The following HECW1 variants were observed in gnomAD, a reference collection of about 807,000 sequenced individuals.
The protein encoded by HECW1 is HECT, C2 and WW domain containing E3 ubiquitin protein ligase 1, also known as E3 ubiquitin-protein ligase HECW1.
A neutral mutation model predicts 182.3 loss-of-function variants in HECW1; 61 were observed. The ratio of observed to expected loss-of-function variants is 0.33; its 90% CI spans 0.27 to 0.41. The LOEUF is 0.41. Among genes scored for constraint, HECW1 ranks in the 10% least tolerant of loss-of-function variants. HECW1 has a pLI of 1.00. For synonymous variants in HECW1, 859 were observed against 832.6 expected, an observed-to-expected ratio of 1.03 and a Z score of -0.55; for missense variants, 1,739 against 2,108.9, an observed-to-expected ratio of 0.82 and a Z score of 3.44.
At chr7:43,227,397 T>C (rs1007315613) in intron 2 of HECW1, among the ~76,000 whole-genome samples, 14 of 152,136 alleles carry the variant, frequency 9.2e-5, no homozygotes. Flanking sequence ...AAAATTTAAG[T>C]CATTTAAAAA....
intron 21 of HECW1, 119 bp from the exon 22 acceptor site, chr7:43,507,018 C>T (rs117689113): frequency 0.19 from 237,541 of 1,243,876 alleles, 24,974 homozygotes; most frequent in South Asian, 0.21. Flanking sequence ...TGCGGTAAGC[C>T]GAGAGCACAC....
At chr7:43,210,997 G>A (rs182836997) in intron 2 of HECW1, among the ~76,000 whole-genome samples, 1 of 152,334 alleles carries the variant, frequency 6.6e-6, no homozygotes, top group African/African-American at 2.4e-5. Context: ...ATGCCGGCTG[G>A]AATGCCTGGG....
chr7:43,422,701 A>C (rs919650510), intron 8 of HECW1, among the ~76,000 whole-genome samples: 1 of 152,116 alleles, frequency 6.6e-6, no homozygotes, highest in African/African-American at 2.4e-5. Flanking sequence ...CGAGTGCTTT[A>C]CCAGAATTAT....
chr7:43,475,248 A>G (rs2078177620), intron 16 of HECW1, among the ~76,000 whole-genome samples: 1 of 152,252 alleles, frequency 6.6e-6, no homozygotes, highest in South Asian at 2.1e-4. Context: ...AAAACAAAAA[A>G]GCAGAATATA....
chr7:43,159,068 C>T (rs1790207541), intron 2 of HECW1, among the ~76,000 whole-genome samples: 1 of 152,072 alleles, frequency 6.6e-6, no homozygotes, highest in Admixed American at 6.5e-5. Context: ...CTGAGAACTG[C>T]TGCAGTAAAC....
chr7:43,410,217 A>G (rs2075754896), intron 8 of HECW1, among the ~76,000 whole-genome samples: 1 of 152,172 alleles, frequency 6.6e-6, no homozygotes, highest in South Asian at 2.1e-4. Flanking sequence ...ACAGATATGT[A>G]TTTCTCAAAG....
At chr7:43,130,958 T>C (rs952381514) in intron 2 of HECW1, among the ~76,000 whole-genome samples, 8 of 152,218 alleles carry the variant, frequency 5.3e-5, no homozygotes, top group Non-Finnish European at 8.8e-5. Context: ...CACTTTACTG[T>C]ATGTTTTATG....
At chr7:43,487,085 G>A (rs2078673411) in intron 17 of HECW1, among the ~76,000 whole-genome samples, 1 of 152,154 alleles carries the variant, frequency 6.6e-6, no homozygotes, top group Non-Finnish European at 1.5e-5. Context: ...GAACACAGAA[G>A]GAATCTAGAG....
chr7:43,136,064 A>G (rs988438759), intron 2 of HECW1, among the ~76,000 whole-genome samples: 7 of 148,516 alleles, frequency 4.7e-5, no homozygotes, highest in Non-Finnish European at 1.0e-4. Context: ...CCCTATCTGT[A>G]TTCAACTTTT....
At chr7:43,548,394 C>T (rs754166108) in intron 26 of HECW1, among the ~76,000 whole-genome samples, 1 of 151,866 alleles carries the variant, frequency 6.6e-6, no homozygotes, top group South Asian at 2.1e-4. Context: ...CAGTCCAAAC[C>T]CACGCTGCTC....
chr7:43,513,342 CCTT>C (rs1563076349), intron 24 of HECW1, among the ~76,000 whole-genome samples: 1 of 152,206 alleles, frequency 6.6e-6, no homozygotes, highest in Non-Finnish European at 1.5e-5. Context: ...AAGGCCTCCT[CCTT>C]CTTCTCACAC....
intron 5 of HECW1, among the ~76,000 whole-genome samples, chr7:43,325,910 C>T (rs1188067876): frequency 6.6e-6 from 1 of 152,230 alleles, no homozygotes; most frequent in Non-Finnish European, 1.5e-5. Context: ...CTTTTTAGCA[C>T]CTCATTTTAA....
At chr7:43,213,541 G>A (rs1048830358) in intron 2 of HECW1, among the ~76,000 whole-genome samples, 7 of 149,904 alleles carry the variant, frequency 4.7e-5, no homozygotes, top group Middle Eastern at 3.5e-3. Flanking sequence ...CACCTTCCGG[G>A]TTCACACCAT....
At chr7:43,341,084 T>C (rs1450841067) in intron 5 of HECW1, among the ~76,000 whole-genome samples, 2 of 151,580 alleles carry the variant, frequency 1.3e-5, no homozygotes, top group Non-Finnish European at 2.9e-5. Flanking sequence ...CTGCATGTTC[T>C]CACTCATAGG....
intron 29 of HECW1, among the ~76,000 whole-genome samples, chr7:43,560,309 A>G (rs1337423127): frequency 6.6e-6 from 1 of 152,242 alleles, no homozygotes; most frequent in African/African-American, 2.4e-5. Context: ...TTTAAAGTAA[A>G]GGAAGGCCTG....
intron 24 of HECW1, among the ~76,000 whole-genome samples, chr7:43,520,657 T>A (rs900461231): frequency 1.3e-5 from 2 of 151,984 alleles, no homozygotes; most frequent in African/African-American, 4.8e-5. Flanking sequence ...AAGGTTTTTT[T>A]TAAAAAAAAC....
chr7:43,322,359 C>G (rs1810237986), intron 5 of HECW1, among the ~76,000 whole-genome samples: 1 of 152,208 alleles, frequency 6.6e-6, no homozygotes, highest in Non-Finnish European at 1.5e-5. Flanking sequence ...CGCACCTGGC[C>G]AGAATTTCTT....
At chr7:43,417,033 C>T (rs1015536222) in intron 8 of HECW1, among the ~76,000 whole-genome samples, 8 of 152,158 alleles carry the variant, frequency 5.3e-5, no homozygotes, top group Non-Finnish European at 1.2e-4. Flanking sequence ...TGTTCCTATT[C>T]GGCCATCTTG....
At chr7:43,546,219 CT>C (rs34255651) in intron 26 of HECW1, among the ~76,000 whole-genome samples, 2,692 of 91,890 alleles carry the variant, frequency 0.029, 16 homozygotes, top group African/African-American at 0.082. Context: ...TACCCCCAAC[CT>C]TTTTTTTTTT....
Sources: allele counts gnomAD v4.1 joint callset (sites outside exome capture counted in the v4.1 genomes callset), GRCh38; gene constraint gnomAD v4.1.1; transcripts MANE v1.5; gene names NCBI Gene and HGNC (gene_info 2026-07-23, HGNC 2026-07-21).